FZR1: variants seen among roughly 807,000 people sequenced by gnomAD.
The protein encoded by FZR1 is fizzy and cell division cycle 20 related 1, also known as fizzy-related protein homolog.
A neutral mutation model predicts 63.6 loss-of-function variants in FZR1; 11 were observed. That is an observed-to-expected ratio of 0.17 (90% CI 0.11 to 0.29). The LOEUF is 0.29. Ranked by LOEUF, FZR1 falls within the 10% of genes least tolerant of loss-of-function variation. The pLI, the probability that FZR1 is intolerant of heterozygous loss-of-function variation, is 1.00. For missense variants in FZR1, 440 were observed against 687.5 expected, an observed-to-expected ratio of 0.64 and a Z score of 4.03; for synonymous variants, 328 against 297.9, an observed-to-expected ratio of 1.10 and a Z score of -1.04.
rs928777869 is a variant in FZR1 at position 3,535,007 on chromosome 19, C to T, written c.*171C>T. The T allele has an allele frequency of 8.0e-6, 5 of 623,290 alleles. No homozygotes were observed. The highest frequency in any genetic ancestry group is 2.8e-5 in the East Asian group (1 of 36,278). 38.6% of individuals were successfully genotyped at this position (623,290 alleles called of 1,614,324 possible). On this transcript the variant is annotated 3_prime_UTR_variant, in exon 14 of 14. Transcript: ENST00000441788. ...GTCTCATTAAATGCCTGATTGTGAA[C>T]CATGTCCACCAGTATCTGGGGTGGG...
chr19:3,527,876 T>C, intron 7 of FZR1, 62 bp downstream of exon 7: 15 of 1,334,730 alleles, frequency 1.1e-5, no homozygotes, highest in Non-Finnish European at 1.5e-5. Flanking sequence ...CAGACCTCAA[T>C]GTACCCACCG....
chr19:3,529,055 C>T (rs1223598399), intron 7 of FZR1, among the ~76,000 whole-genome samples: 4 of 130,076 alleles, frequency 3.1e-5, no homozygotes, highest in South Asian at 2.5e-4. Flanking sequence ...GATGGGAGTG[C>T]GGATGCTTGA....
chr19:3,529,983 T>A (rs1599790087), intron 7 of FZR1, among the ~76,000 whole-genome samples: 1 of 90,734 alleles, frequency 1.1e-5, no homozygotes. Flanking sequence ...GTTGAGGGAG[T>A]GGATGGTTGA....
Position 3,515,660 on chromosome 19 carries a change from G to A in FZR1, c.-34-7296G>A, listed in dbSNP as rs1160081180. On this transcript the variant is annotated intron_variant, in intron 1 of 13. Transcript: ENST00000441788. This position sits in a 1 kb window ranked among gnomAD's most constrained non-coding sequence, Gnocchi z 4.6. ...CGGGCCCCTGTAGTCCCAGCTACTC[G>A]GGAGGCTGAGGCAGGAGAATGGTGT... Among the ~76,000 whole-genome samples, 1 of 151,602 alleles carries A rather than the reference G, an allele frequency of 6.6e-6. No individual in the cohort carries two copies. Among genetic ancestry groups the A allele is most frequent in the African/African-American group, 2.4e-5 (1 of 41,204 alleles).
At chr19:3,529,644 A>AGATGGGAGAGCG (rs2083210602) in intron 7 of FZR1, among the ~76,000 whole-genome samples, 1 of 70,636 alleles carries the variant, frequency 1.4e-5, no homozygotes, top group Non-Finnish European at 2.8e-5. Context: ...ATGGGTGAGC[A>AGATGGGAGAGCG]GATGGGAGAG....
chr19:3,534,227 TAAAAAA>T (rs3040391), intron 12 of FZR1, 188 bp from the exon 13 acceptor site: 14 of 283,084 alleles, frequency 4.9e-5, no homozygotes, highest in Admixed American at 1.9e-4. Flanking sequence ...GTCTTAAAAT[TAAAAAA>T]AAAAAAAAAA....
chr19:3,512,353 A>G (rs1305536968), intron 1 of FZR1, among the ~76,000 whole-genome samples: 2 of 152,030 alleles, frequency 1.3e-5, no homozygotes, highest in Non-Finnish European at 2.9e-5. Context: ...TGCCTCGTAG[A>G]CCTCATGCCT....
At chr19:3,531,842 G>A (rs2083250775) in intron 9 of FZR1, 26 bp downstream of exon 9, 23 of 1,550,204 alleles carry the variant, frequency 1.5e-5, no homozygotes, top group Non-Finnish European at 1.7e-5. Flanking sequence ...CCCATGGCTG[G>A]TGAGCTCCCT....
chr19:3,530,453 AGAGCGCATGGAT>A (rs1231550851), intron 7 of FZR1, among the ~76,000 whole-genome samples: 2,297 of 122,470 alleles, frequency 0.019, 281 homozygotes, highest in African/African-American at 0.067. Context: ...AGCGCATGGG[AGAGCGCATGGAT>A]GAGCGCATGG....
Position 3,533,486 on chromosome 19 carries a change from G to A in FZR1, c.1347+88G>A, listed in dbSNP as rs2083268106. The A allele has an allele frequency of 1.2e-6, 1 of 801,972 alleles. No homozygotes were observed. Among genetic ancestry groups the A allele is most frequent in the South Asian group, 1.4e-5 (1 of 70,024 alleles). 49.7% of individuals were successfully genotyped at this position (801,972 alleles called of 1,614,324 possible). A position where few individuals can be genotyped will look rare whatever the true frequency, so the allele number is the denominator to read the frequency against. On this transcript the variant is annotated intron_variant, in intron 12 of 13. Coordinates refer to ENST00000441788, the MANE Select transcript of FZR1 (RefSeq NM_016263.4). This position sits in a 1 kb window ranked among gnomAD's most constrained non-coding sequence, Gnocchi z 4.9. ...CAGAGCACCCTGTCCTGTGTTCTTA[G>A]GGAGGATGGTGTGCAGATCTAAAAC...
rs889754253 is a variant in FZR1, at chr19:3,514,202, C to T, written c.-35+7728C>T. On this transcript the variant is annotated intron_variant, in intron 1 of 13. Transcript: ENST00000441788. This position sits in a 1 kb window ranked among gnomAD's most constrained non-coding sequence, Gnocchi z 4.2. ...AGTCGAGCCTGGAGACAAATCGTGC[C>T]GTGCCATTGGCCCCCACAAACAGTG... Among the ~76,000 whole-genome samples, 9 of 152,214 alleles carry T rather than the reference C, an allele frequency of 5.9e-5. No individual in the cohort carries two copies. The highest frequency in any genetic ancestry group is 1.4e-4 in the African/African-American group (6 of 41,454).
At position 3,533,275 on chromosome 19, in the gene FZR1, C is replaced by T. The variant is rs781469832; in HGVS notation, c.1243-19C>T. ...CCTCGTTGCCCCTCACCGACCGCAG[C>T]GCCCCCTCCGCCCTCCAGGTGAGCA... On this transcript the variant is annotated intron_variant, in intron 11 of 13. Coordinates refer to ENST00000441788, the MANE Select transcript of FZR1 (RefSeq NM_016263.4). This position sits in a 1 kb window ranked among gnomAD's most constrained non-coding sequence, Gnocchi z 4.9. 5 of 1,502,736 alleles carry T rather than the reference C, an allele frequency of 3.3e-6. No homozygotes were observed. Among genetic ancestry groups the T allele is most frequent in the Admixed American group, 1.7e-5 (1 of 59,810 alleles). 93.1% of individuals were successfully genotyped at this position (1,502,736 alleles called of 1,614,324 possible). A position where few individuals can be genotyped will look rare whatever the true frequency, so the allele number is the denominator to read the frequency against.
rs2083056090 is a variant in FZR1 at position 3,515,960 on chromosome 19, C to T, written c.-34-6996C>T. On this transcript the variant is annotated intron_variant, in intron 1 of 13. Transcript: ENST00000441788. The surrounding 1 kb of genome is among the most constrained non-coding windows in gnomAD (Gnocchi z 4.6). ...GCAGTGGGTCTCACAGCCTCTTCCG[C>T]TCCCTGTCTGATGGCCTCTTGCGTC... 6.6e-6 allele frequency among the ~76,000 whole-genome samples: 1 copy of T among 152,170 alleles called. No individual in the cohort carries two copies. Among genetic ancestry groups the T allele is most frequent in the Admixed American group, 6.5e-5 (1 of 15,270 alleles).
chr19:3,525,157 G>A lies in FZR1; in HGVS notation c.70-711G>A, dbSNP rs528586905. Reference sequence around the variant, plus strand: ...CGTGTCTTGTGCCGTCAAGGCCTGCGTCTGTGATCATCTAGAGACGGTGAA... The same window carrying A: ...CGTGTCTTGTGCCGTCAAGGCCTGCATCTGTGATCATCTAGAGACGGTGAA... On this transcript the variant is annotated intron_variant, in intron 2 of 13. Coordinates refer to ENST00000441788, the MANE Select transcript of FZR1 (RefSeq NM_016263.4). The surrounding 1 kb of genome is among the most constrained non-coding windows in gnomAD (Gnocchi z 4.2). Among the ~76,000 whole-genome samples, 7 of 152,266 alleles carry A rather than the reference G, an allele frequency of 4.6e-5. No individual in the cohort carries two copies. Among genetic ancestry groups the A allele is most frequent in the South Asian group, 2.1e-4 (1 of 4,830 alleles).
In FZR1 at chr19:3,530,470, G is replaced by A. The variant is rs538665065; in HGVS notation, c.655-322G>A. Among the ~76,000 whole-genome samples the A allele has an allele frequency of 3.9e-4, 54 of 139,800 alleles. 6 individuals are homozygous for A. Among genetic ancestry groups the A allele is most frequent in the African/African-American group, 7.8e-4 (29 of 37,290 alleles). The allele number at this position is 139,800 out of a possible 152,430, so 91.7% of individuals were successfully genotyped here. A position where few individuals can be genotyped will look rare whatever the true frequency, so the allele number is the denominator to read the frequency against. ...CGCATGGGAGAGCGCATGGATGAGC[G>A]CATGGGAGAGCGCATGGGTGAGCGG... On this transcript the variant is annotated intron_variant, in intron 7 of 13. Coordinates refer to ENST00000441788, the MANE Select transcript of FZR1 (RefSeq NM_016263.4).
chr19:3,519,333 T>C (rs1158572294), intron 1 of FZR1, among the ~76,000 whole-genome samples: 1 of 152,250 alleles, frequency 6.6e-6, no homozygotes, highest in Admixed American at 6.5e-5. Flanking sequence ...CAGCCGCGTC[T>C]ACGTGGTGAG....
Position 3,535,056 on chromosome 19 carries a change from G to A in FZR1, c.*220G>A. ...GGCACGTGGTCGGGGACCCTCAGCA[G>A]CAGGGGCTCTGTCTCCCTTCCCAAA... On this transcript the variant is annotated 3_prime_UTR_variant, in exon 14 of 14. Transcript: ENST00000441788. 1.7e-6 allele frequency: 1 copy of A among 588,030 alleles called. No individual in the cohort carries two copies. Among genetic ancestry groups the A allele is most frequent in the Non-Finnish European group, 3.0e-6 (1 of 329,304 alleles). 36.4% of individuals were successfully genotyped at this position (588,030 alleles called of 1,614,324 possible).
rs1568238234 is a variant in FZR1, at chr19:3,529,832, ATGGGTGAGCG to A, written c.655-959_655-950del. Among the ~76,000 whole-genome samples, 12 of 66,266 alleles carry A rather than the reference ATGGGTGAGCG, an allele frequency of 1.8e-4. 2 individuals are homozygous for A. Among genetic ancestry groups the A allele is most frequent in the African/African-American group, 1.2e-3 (12 of 10,114 alleles). The allele number at this position is 66,266 out of a possible 152,430, so 43.5% of individuals were successfully genotyped here. On this transcript the variant is annotated intron_variant, in intron 7 of 13. Coordinates refer to ENST00000441788, the MANE Select transcript of FZR1 (RefSeq NM_016263.4). ...GATGGTTGAGTGGATGGGTGAGCGG[ATGGGTGAGCG>A]GGTGGGTGAGCGGGTGGGTGAGCGG...
chr19:3,523,182 C>T, intron 2 of FZR1, 124 bp downstream of exon 2: 1 of 733,918 alleles, frequency 1.4e-6, no homozygotes. Flanking sequence ...TCCCAGTCCC[C>T]CAGGTCACAC....
Sources: allele counts gnomAD v4.1 joint callset (sites outside exome capture counted in the v4.1 genomes callset), GRCh38; gene constraint gnomAD v4.1.1; non-coding constraint Gnocchi (gnomAD v3.1); transcripts MANE v1.5; gene names NCBI Gene and HGNC (gene_info 2026-07-23, HGNC 2026-07-21).